SLC16A12: variants seen among roughly 807,000 people sequenced by gnomAD.
The protein encoded by SLC16A12 is monocarboxylate transporter 12.
In SLC16A12, 17 loss-of-function variants were observed where a neutral mutation model predicts 42.4. The observed-to-expected ratio is 0.40, with a 90% CI of 0.27 to 0.60. The LOEUF is 0.60. SLC16A12 is among the 20% of genes least tolerant of loss of function. The pLI is 0.42. For synonymous variants in SLC16A12, 224 were observed against 229.4 expected (o/e 0.98, Z 0.21); for missense variants, 544 against 623.0 (o/e 0.87, Z 1.35).
chr10:89,521,043 A>G (rs751674573), intron 2 of SLC16A12, among the ~76,000 whole-genome samples: 4 of 152,200 alleles, frequency 2.6e-5, no homozygotes, highest in Non-Finnish European at 5.9e-5. Flanking sequence ...AAGTGCTTTC[A>G]ATCCCTGCAA....
At chr10:89,544,577 T>A (rs183565665) in intron 2 of SLC16A12, among the ~76,000 whole-genome samples, 32 of 152,378 alleles carry the variant, frequency 2.1e-4, no homozygotes, top group Middle Eastern at 3.4e-3. Flanking sequence ...TAAATTTAAA[T>A]ACAATTATTT....
intron 4 of SLC16A12, 130 bp downstream of exon 4, chr10:89,443,626 T>C (rs1841951922): frequency 6.8e-6 from 5 of 736,412 alleles, no homozygotes; most frequent in Non-Finnish European, 1.2e-5. Context: ...CTTTATATTA[T>C]ATAGTCCTAG....
chr10:89,471,120 C>A (rs1197575309), intron 2 of SLC16A12, among the ~76,000 whole-genome samples: 1 of 152,204 alleles, frequency 6.6e-6, no homozygotes, highest in Non-Finnish European at 1.5e-5. Flanking sequence ...GTATAACTTA[C>A]ATACAATAAA....
rs139870581 is a variant in SLC16A12, at chr10:89,546,281, A to C, written c.-47+9601T>G. On this transcript the variant is annotated intron_variant, in intron 2 of 2. Coordinates refer to the SLC16A12 transcript ENST00000475682. Reference sequence around the variant, plus strand: ...CTACAGAATGGGAGAAAATTTTTGCAATCTACCCATCTGACAAAGGCCTAA... The same window carrying C: ...CTACAGAATGGGAGAAAATTTTTGCCATCTACCCATCTGACAAAGGCCTAA... Among the ~76,000 whole-genome samples, 208 of 152,344 alleles carry C rather than the reference A, an allele frequency of 1.4e-3. 2 individuals carry two copies. In the East Asian group the frequency reaches 0.014, roughly 10 times the overall value.
intron 2 of SLC16A12, among the ~76,000 whole-genome samples, chr10:89,529,768 G>A (rs1238312210): frequency 6.6e-6 from 1 of 151,934 alleles, no homozygotes; most frequent in Non-Finnish European, 1.5e-5. Flanking sequence ...CGCTAGTCTC[G>A]AACTCCTGAC....
At chr10:89,479,524 T>C (rs990468203) in intron 2 of SLC16A12, among the ~76,000 whole-genome samples, 8 of 152,240 alleles carry the variant, frequency 5.3e-5, no homozygotes, top group Non-Finnish European at 1.2e-4. Context: ...ATCAGTATTA[T>C]TAGCCTTTAG....
At chr10:89,520,067 C>A (rs543027802) in intron 2 of SLC16A12, among the ~76,000 whole-genome samples, 1 of 150,176 alleles carries the variant, frequency 6.7e-6, no homozygotes, top group Admixed American at 6.7e-5. Context: ...GAGCCGAGAT[C>A]GCGCCACTAC....
chr10:89,477,548 G>A (rs956607057), intron 2 of SLC16A12, among the ~76,000 whole-genome samples: 6 of 82,624 alleles, frequency 7.3e-5, no homozygotes, highest in African/African-American at 2.9e-4. Context: ...TGGGCAACAA[G>A]AGCAAAACTC....
rs1842319459 is a variant in SLC16A12, at chr10:89,462,539, T to C, written c.40A>G (p.Ile14Val). ...GGTTGCTCCAACAGCCAAGTTATGATCTTGGAAGAGTTTGCTGTCCAGTGA... is the reference window on the plus strand; with the variant it reads ...GGTTGCTCCAACAGCCAAGTTATGACCTTGGAAGAGTTTGCTGTCCAGTGA... Reference protein sequence around the residue: ...GSHWTANSSKIITWLLEQPGK... With the variant: ...GSHWTANSSKVITWLLEQPGK... Residue 14 changes from isoleucine to valine, a missense_variant, in exon 3 of 8, where the codon ATC becomes GTC. Coordinates refer to ENST00000371790, the MANE Select transcript of SLC16A12 (RefSeq NM_213606.4). 3.1e-6 allele frequency: 5 copies of C among 1,612,690 alleles called. No homozygotes were observed. The African/African-American group carries it at 6.7e-5, about 22-fold the overall frequency.
At chr10:89,520,870 T>C (rs1262845802) in intron 2 of SLC16A12, among the ~76,000 whole-genome samples, 2 of 152,158 alleles carry the variant, frequency 1.3e-5, no homozygotes, top group Non-Finnish European at 2.9e-5. Context: ...ATATGATCAT[T>C]GCTTGTTATG....
chr10:89,522,818 G>T (rs1210555273), intron 2 of SLC16A12, among the ~76,000 whole-genome samples: 1 of 152,176 alleles, frequency 6.6e-6, no homozygotes, highest in Non-Finnish European at 1.5e-5. Flanking sequence ...GTTGTGGAAA[G>T]AATTTAGTGA....
chr10:89,533,753 A>G (rs1843597874), intron 2 of SLC16A12, among the ~76,000 whole-genome samples: 1 of 151,990 alleles, frequency 6.6e-6, no homozygotes, highest in Non-Finnish European at 1.5e-5. Flanking sequence ...CTTAAAATTA[A>G]AGGTTTGCAC....
At chr10:89,549,599 G>A (rs976454541) in intron 2 of SLC16A12, among the ~76,000 whole-genome samples, 1 of 151,184 alleles carries the variant, frequency 6.6e-6, no homozygotes, top group Non-Finnish European at 1.5e-5. Context: ...AGTGTTTTGG[G>A]TTTTTTTTTA....
chr10:89,473,516 G>A (rs900406810), intron 2 of SLC16A12, among the ~76,000 whole-genome samples: 2 of 152,168 alleles, frequency 1.3e-5, no homozygotes, highest in Non-Finnish European at 2.9e-5. Flanking sequence ...TTTTTAGAGA[G>A]GACAAAAGCA....
chr10:89,534,360 GA>G, intron 2 of SLC16A12, 140 bp downstream of exon 2: 1 of 152,300 alleles, frequency 6.6e-6, no homozygotes, highest in Non-Finnish European at 1.5e-5. Flanking sequence ...TTCTGAATTT[GA>G]AAGGCCGGAA....
At chr10:89,452,078 C>T (rs976357249) in intron 3 of SLC16A12, among the ~76,000 whole-genome samples, 7 of 152,318 alleles carry the variant, frequency 4.6e-5, no homozygotes, top group African/African-American at 1.4e-4. Context: ...CTTTTTCATT[C>T]ATATCACTTC....
chr10:89,520,777 T>A (rs988583920), intron 2 of SLC16A12, among the ~76,000 whole-genome samples: 1 of 151,632 alleles, frequency 6.6e-6, no homozygotes, highest in Non-Finnish European at 1.5e-5. Flanking sequence ...CCATACCTGT[T>A]CTCTGCCCCT....
chr10:89,510,288 C>T (rs1379628001), intron 2 of SLC16A12, among the ~76,000 whole-genome samples: 1 of 152,078 alleles, frequency 6.6e-6, no homozygotes, highest in Non-Finnish European at 1.5e-5. Flanking sequence ...ACAATCCTAA[C>T]CCAAAAGAAT....
At chr10:89,556,348 T>C (rs1005483282) in intron 1 of SLC16A12, among the ~76,000 whole-genome samples, 1 of 152,170 alleles carries the variant, frequency 6.6e-6, no homozygotes, top group African/African-American at 2.4e-5. Flanking sequence ...GCAATATTAT[T>C]ATACATATCT....
Sources: allele counts gnomAD v4.1 joint callset (sites outside exome capture counted in the v4.1 genomes callset), GRCh38; gene constraint gnomAD v4.1.1; transcripts MANE v1.5; gene names NCBI Gene and HGNC (gene_info 2026-07-23, HGNC 2026-07-21).